HNRNPA1: variants seen among roughly 807,000 people sequenced by gnomAD.
HNRNPA1 encodes the protein heterogeneous nuclear ribonucleoprotein A1.
Under a neutral mutation model 44.4 loss-of-function variants are expected in HNRNPA1, and 7 were observed. The observed-to-expected ratio is 0.16, with a 90% CI of 0.09 to 0.30. The LOEUF (loss-of-function observed/expected upper bound fraction) is 0.30, where lower values mean the gene tolerates loss of function less well. HNRNPA1 is among the 10% of genes least tolerant of loss of function. HNRNPA1 has a pLI of 1.00. For synonymous variants in HNRNPA1, 169 were observed against 160.6 expected, an observed-to-expected ratio of 1.05 and a Z score of -0.40; for missense variants, 193 against 465.8, an observed-to-expected ratio of 0.41 and a Z score of 5.39.
Position 54,283,200 on chromosome 12 carries a change from C to T in HNRNPA1, c.873C>T (p.Asn291=). 8 of 1,609,334 alleles carry T rather than the reference C, an allele frequency of 5.0e-6. No individual in the cohort carries two copies. Among genetic ancestry groups the T allele is most frequent in the Non-Finnish European group, 5.9e-6 (7 of 1,178,420 alleles). Residue 291 remains asparagine, a synonymous_variant, in exon 8 of 11, where the codon AAC becomes AAT. Transcript: ENST00000340913. ...YGGSGSYDSY[N]NGGGGGFGGG... ...GGAGTGGCAGCTATGACAGCTATAA[C>T]AACGGAGGCGGAGGCGGCTTTGGCG...
rs761348826 is a variant in HNRNPA1, at chr12:54,283,971, T to A, written c.1063+4T>A. ...TTTGCAAAACCACGAAACCAAGGTATGGTATCTATGTAATTTTGGATAATG... is the reference window on the plus strand; with the variant it reads ...TTTGCAAAACCACGAAACCAAGGTAAGGTATCTATGTAATTTTGGATAATG... On this transcript the variant is annotated splice_donor_region_variant and intron_variant, in intron 9 of 10. Transcript: ENST00000340913. The A allele has an allele frequency of 1.0e-5, 16 of 1,604,550 alleles. No homozygotes were observed. Among genetic ancestry groups the A allele is most frequent in the Non-Finnish European group, 2.5e-6 (3 of 1,179,912 alleles).
At chr12:54,281,979 T>C (rs764148414) in intron 3 of HNRNPA1, 38 bp downstream of exon 3, 19 of 1,610,510 alleles carry the variant, frequency 1.2e-5, no homozygotes, top group Non-Finnish European at 1.4e-5. Flanking sequence ...TTAAACTTAC[T>C]TGGATATGTG....
rs777071529 is a variant in HNRNPA1 at position 54,282,806 on chromosome 12, T to C, written c.683T>C (p.Phe228Ser). Residue 228 changes from phenylalanine to serine, a missense_variant, in exon 7 of 11, where the codon TTT becomes TCT. This residue lies in a region of HNRNPA1 where 136 missense variants were observed against 234.4 expected (regional missense o/e 0.58). Transcript: ENST00000340913. ...TTGAAACTTTTTCTTACAGGTGGCT[T>C]TGGTGGCAGCCGTGGTGGTGGTGGA... ...RGGNFSGRGG[F>S]GGSRGGGGYG... 3 of 1,552,436 alleles carry C rather than the reference T, an allele frequency of 1.9e-6. No homozygotes were observed. The highest frequency in any genetic ancestry group is 2.6e-6 in the Non-Finnish European group (3 of 1,147,278).
Position 54,280,736 on chromosome 12 carries a change from G to C in HNRNPA1, c.-72G>C, listed in dbSNP as rs376708917. 1.9e-6 allele frequency: 3 copies of C among 1,582,778 alleles called. No homozygotes were observed. Among genetic ancestry groups the C allele is most frequent in the Non-Finnish European group, 2.6e-6 (3 of 1,151,744 alleles). ...CGAAGGTAGGCTGGCAGATACGTTC[G>C]TCAGCTTGCTCCTTTCTGCCCGTGG... On this transcript the variant is annotated 5_prime_UTR_variant, in exon 1 of 11. Transcript: ENST00000340913.
chr12:54,283,322 G>A lies in HNRNPA1; in HGVS notation c.907+88G>A, dbSNP rs772181555. On this transcript the variant is annotated intron_variant, in intron 8 of 10. Coordinates refer to ENST00000340913, the MANE Select transcript of HNRNPA1 (RefSeq NM_031157.4). ...TCTGGTGCTGTTGAAGCATTGTGTG[G>A]TACACTGCATGGTATATTAAAAACA... 4 of 1,413,936 alleles carry A rather than the reference G, an allele frequency of 2.8e-6. No homozygotes were observed. The South Asian group carries it at 3.7e-5, about 13-fold the overall frequency. The allele number at this position is 1,413,936 out of a possible 1,614,324, so 87.6% of individuals were successfully genotyped here.
At chr12:54,281,537 C>T (rs752660681) in intron 2 of HNRNPA1, 35 bp downstream of exon 2, 7 of 1,437,972 alleles carry the variant, frequency 4.9e-6, no homozygotes, top group South Asian at 3.5e-5. Context: ...GTAAAACAGC[C>T]GATTTCCTTG....
intron 8 of HNRNPA1, 138 bp downstream of exon 8, chr12:54,283,372 C>G (rs1944210414): frequency 1.0e-6 from 1 of 966,976 alleles, no homozygotes; most frequent in Admixed American, 2.5e-5. Flanking sequence ...GCTACCTCCT[C>G]CTAGCTTTAA....
rs1409536469 is a variant in HNRNPA1 at position 54,286,793 on chromosome 12, T to G, written c.*2249T>G. The G allele has an allele frequency of 6.6e-6, 1 of 152,220 alleles. No individual in the cohort carries two copies. Among genetic ancestry groups the G allele is most frequent in the East Asian group, 1.9e-4 (1 of 5,202 alleles). 9.4% of individuals were successfully genotyped at this position (152,220 alleles called of 1,614,324 possible). On this transcript the variant is annotated 3_prime_UTR_variant, in exon 11 of 11. Transcript: ENST00000340913. ...GCCCTGCGTTCCCAAAGTAAAAGAA[T>G]GACAAGCTGTACCTTAAACCAAAAC...
chr12:54,284,342 T>A (rs1026348474), intron 10 of HNRNPA1, 25 bp downstream of exon 10: 20 of 1,604,072 alleles, frequency 1.2e-5, no homozygotes, highest in Non-Finnish European at 1.6e-5. Context: ...TTTTGTGTGT[T>A]GACATAATTT....
At chr12:54,283,282 T>C in intron 8 of HNRNPA1, 48 bp downstream of exon 8, 1 of 1,589,230 alleles carries the variant, frequency 6.3e-7, no homozygotes, top group East Asian at 2.3e-5. Context: ...TAGATTAGCC[T>C]TTTAGAGCTT....
Position 54,282,082 on chromosome 12 carries a change from C to T in HNRNPA1, c.280-8C>T, listed in dbSNP as rs955906067. On this transcript the variant is annotated splice_region_variant and splice_polypyrimidine_tract_variant and intron_variant, in intron 3 of 10. Transcript: ENST00000340913. ...GCTAATCTAAACCTATGGTTTTTCT[C>T]CTATTAGGATTCTCAAAGACCAGGT... 10 of 1,611,054 alleles carry T rather than the reference C, an allele frequency of 6.2e-6. No homozygotes were observed. Among genetic ancestry groups the T allele is most frequent in the African/African-American group, 2.7e-5 (2 of 74,790 alleles).
intron 6 of HNRNPA1, 58 bp from the exon 7 acceptor site, chr12:54,282,742 A>G (rs957886873): frequency 1.9e-6 from 3 of 1,589,228 alleles, no homozygotes; most frequent in Non-Finnish European, 2.6e-6. Flanking sequence ...CGGGAACTGC[A>G]TTCAGAATGT....
intron 1 of HNRNPA1, 129 bp from the exon 2 acceptor site, chr12:54,281,257 A>G: frequency 2.7e-6 from 2 of 728,736 alleles, no homozygotes; most frequent in East Asian, 2.4e-5. Flanking sequence ...AGGCAGAAGC[A>G]CGTGTCTTGT....
rs1409515552 is a variant in HNRNPA1 at position 54,286,494 on chromosome 12, C to T, written c.*1950C>T. 1 of 151,782 alleles carries T rather than the reference C, an allele frequency of 6.6e-6. No homozygotes were observed. Among genetic ancestry groups the T allele is most frequent in the Admixed American group, 6.6e-5 (1 of 15,226 alleles). The allele number at this position is 151,782 out of a possible 1,614,324, so 9.4% of individuals were successfully genotyped here. A position where few individuals can be genotyped will look rare whatever the true frequency, so the allele number is the denominator to read the frequency against. ...TTGTACTGTGAATATAAATTTTTGC[C>T]CTTTTATTTATCTTCCTTTGACCCA... On this transcript the variant is annotated 3_prime_UTR_variant, in exon 11 of 11. Transcript: ENST00000340913.
chr12:54,280,795 T>C lies in HNRNPA1; in HGVS notation c.-13T>C. 2 of 1,614,180 alleles carry C rather than the reference T, an allele frequency of 1.2e-6. No homozygotes were observed. Among genetic ancestry groups the C allele is most frequent in the African/African-American group, 1.3e-5 (1 of 75,038 alleles). ...GAAGAAGCATCGTTAAAGTCTCTCT[T>C]CACCCTGCCGTCATGTCTAAGTCAG... is the stretch of plus-strand genomic sequence containing the variant. On this transcript the variant is annotated 5_prime_UTR_variant, in exon 1 of 11. Transcript: ENST00000340913.
chr12:54,281,879 A>G lies in HNRNPA1; in HGVS notation c.217A>G (p.Asn73Asp). Residue 73 changes from asparagine (N) to aspartate (D), a missense_variant, in exon 3 of 11, where the codon AAT becomes GAT. Physicochemically the swap from Asn to Asp is conservative, Grantham distance 23. This residue lies in a region of HNRNPA1 where 57 missense variants were observed against 231.3 expected (regional missense o/e 0.25). Coordinates refer to ENST00000340913, the MANE Select transcript of HNRNPA1 (RefSeq NM_031157.4). ...TGTGGAGGAGGTGGATGCAGCTATG[A>G]ATGCAAGGCCACACAAGGTGGATGG... ...ATVEEVDAAM[N>D]ARPHKVDGRV... 6.2e-7 allele frequency: 1 copy of G among 1,613,738 alleles called. No individual in the cohort carries two copies. Among genetic ancestry groups the G allele is most frequent in the South Asian group, 1.1e-5 (1 of 91,070 alleles).
At chr12:54,280,923 T>C (rs938489054) in intron 1 of HNRNPA1, 101 bp downstream of exon 1, 50 of 1,335,576 alleles carry the variant, frequency 3.7e-5, no homozygotes, top group Non-Finnish European at 3.6e-5. Flanking sequence ...CATTCTACAG[T>C]TCCTTCGGTC....
At chr12:54,281,652 A>G (rs1192282486) in intron 2 of HNRNPA1, 143 bp from the exon 3 acceptor site, 2 of 1,038,686 alleles carry the variant, frequency 1.9e-6, no homozygotes, top group Admixed American at 2.5e-5. Flanking sequence ...TTTAAAAGCT[A>G]CCTCTTAAAT....
chr12:54,283,348 A>G, intron 8 of HNRNPA1, 114 bp downstream of exon 8: 1 of 1,223,762 alleles, frequency 8.2e-7, no homozygotes, highest in Non-Finnish European at 1.2e-6. Flanking sequence ...ATTAAAAACA[A>G]ATGGGCTTGC....
Sources: gnomAD v4.1 joint callset for allele counts on GRCh38, gnomAD v4.1.1 for gene constraint, gnomAD v4.1.1 regional missense constraint, MANE v1.5 for transcripts, NCBI Gene and HGNC (gene_info 2026-07-23, HGNC 2026-07-21) for gene names.